Variants in METTL13 observed in about 807,000 individuals in gnomAD.
METTL13 encodes the protein methyltransferase 13, eEF1A N-terminus and K55.
Under a neutral mutation model 67.4 loss-of-function variants are expected in METTL13, and 52 were observed. The ratio of observed to expected loss-of-function variants is 0.77; its 90% confidence interval spans 0.62 to 0.97. METTL13 has a LOEUF of 0.97. Among genes scored for constraint, METTL13 ranks in the 50% least tolerant of loss-of-function variants. The pLI, the probability that METTL13 is intolerant of heterozygous loss-of-function variation, is 0.00. For missense variants in METTL13, 825 were observed against 889.6 expected (o/e 0.93, Z 0.92); for synonymous variants, 354 against 353.6 (o/e 1.00, Z -0.01).
chr1:171,783,892 G>A lies in METTL13; in HGVS notation c.306G>A (p.Lys102=), dbSNP rs564128406. ...GACGGCCCCAGATGAGCTTCTTGAA[G>A]ATGGACATGACGCAGATGGAGTTTC... The part of the protein sequence containing the change: ...ATRRPQMSFL[K]MDMTQMEFPD... The change falls in exon 2 of 8, where the codon AAG becomes AAA. Residue 102 remains lysine, a synonymous_variant. Transcript: ENST00000361735. 4 of 1,614,116 alleles carry A rather than the reference G, an allele frequency of 2.5e-6. No homozygotes were observed. Among genetic ancestry groups the A allele is most frequent in the African/African-American group, 2.7e-5 (2 of 74,934 alleles).
In METTL13 at chr1:171,784,369, C is replaced by A. The variant is rs759361612; in HGVS notation, c.783C>A (p.Arg261=). 2.5e-6 allele frequency: 4 copies of A among 1,573,688 alleles called. No individual in the cohort carries two copies. In the African/African-American group the frequency reaches 5.4e-5, roughly 21 times the overall value. The change falls in exon 2 of 8, where the codon CGC becomes CGA. Residue 261 remains arginine, a synonymous_variant. Coordinates refer to ENST00000361735, the MANE Select transcript of METTL13 (RefSeq NM_015935.5). ...QYAWLCSQLR[R]KARLGSVSLD... is the part of the protein sequence containing the mutation. ...CCTGGCTGTGCAGCCAGCTGCGCCGCAAGGCCAGGCTGGGGAGTGTGTCTC... is the reference window on the plus strand; with the variant it reads ...CCTGGCTGTGCAGCCAGCTGCGCCGAAAGGCCAGGCTGGGGAGTGTGTCTC...
intron 4 of METTL13, among the ~76,000 whole-genome samples, chr1:171,788,918 C>T (rs1657111947): frequency 6.6e-6 from 1 of 152,166 alleles, no homozygotes; most frequent in Non-Finnish European, 1.5e-5. Flanking sequence ...GGCTCTGAGC[C>T]TAGAATCAAG....
chr1:171,782,767 A>G (rs1185929298), intron 1 of METTL13, among the ~76,000 whole-genome samples: 1 of 152,158 alleles, frequency 6.6e-6, no homozygotes, highest in Non-Finnish European at 1.5e-5. Context: ...GTGCGCCCCA[A>G]GTTTCAGGCA....
At chr1:171,786,446 G>A (rs1015534909) in intron 3 of METTL13, among the ~76,000 whole-genome samples, 1 of 152,088 alleles carries the variant, frequency 6.6e-6, no homozygotes, top group African/African-American at 2.4e-5. Flanking sequence ...ATTATCTGAG[G>A]GTATAAATGG....
In METTL13 at chr1:171,783,399, A is replaced by G. The variant is rs548493442; in HGVS notation, c.154-341A>G. On this transcript the variant is annotated intron_variant, in intron 1 of 7. Transcript: ENST00000361735. The stretch of plus-strand genomic sequence containing the variant: ...GGGTTATTCCTGGCCTAGGATTTCA[A>G]CTGTAACTCTATATTTGGATTCTCT... 2.0e-5 allele frequency among the ~76,000 whole-genome samples: 3 copies of G among 152,352 alleles called. No homozygotes were observed. In the East Asian group the frequency reaches 5.8e-4, roughly 29 times the overall value.
rs899185289 is a variant in METTL13, at chr1:171,783,853, A to T, written c.267A>T (p.Glu89Asp). 4.3e-6 allele frequency: 7 copies of T among 1,614,130 alleles called. No homozygotes were observed. In the African/African-American group the frequency reaches 9.3e-5, roughly 22 times the overall value. The change falls in exon 2 of 8, where the codon GAA (glutamate) becomes GAT (aspartate). Residue 89 changes from glutamate to aspartate, a missense_variant. Coordinates refer to ENST00000361735, the MANE Select transcript of METTL13 (RefSeq NM_015935.5). ...AGGTTGTCATCAAGCAAATGAAGGA[A>T]TGTAATGCCACCCGACGGCCCCAGA... is the stretch of plus-strand genomic sequence containing the variant. ...ISEVVIKQMKECNATRRPQMS... is the reference protein window; with the variant it reads ...ISEVVIKQMKDCNATRRPQMS...
intron 4 of METTL13, among the ~76,000 whole-genome samples, chr1:171,789,043 A>G (rs1164526062): frequency 6.6e-6 from 1 of 152,164 alleles, no homozygotes; most frequent in Non-Finnish European, 1.5e-5. Context: ...GTCCAGTTTC[A>G]TCTCACTAAA....
At position 171,792,017 on chromosome 1, in the gene METTL13, A is replaced by G; in HGVS notation, c.1475A>G (p.Glu492Gly). The G allele has an allele frequency of 1.2e-6, 2 of 1,612,430 alleles. No individual in the cohort carries two copies. Among genetic ancestry groups the G allele is most frequent in the Non-Finnish European group, 1.7e-6 (2 of 1,180,008 alleles). Residue 492 changes from glutamate (E) to glycine (G), a missense_variant and splice_region_variant, in exon 6 of 8, where the codon GAG (glutamate) becomes GGG (glycine). Physicochemically the swap from Glu to Gly is moderately conservative, Grantham distance 98. Transcript: ENST00000361735. ...GTGATGCTCTATTCTTTTCTTACAG[A>G]GATCCCACTGGCATTGTTGGTGGTA... ...ALLRNPELLL[E>G]IPLALLVVGL...
At position 171,784,399 on chromosome 1, in the gene METTL13, C is replaced by T. The variant is rs762113195; in HGVS notation, c.813C>T (p.Asp271=). 2 of 1,558,960 alleles carry T rather than the reference C, an allele frequency of 1.3e-6. No individual in the cohort carries two copies. Among genetic ancestry groups the T allele is most frequent in the East Asian group, 2.2e-5 (1 of 44,482 alleles). The change falls in exon 2 of 8, where the codon GAC becomes GAT. Residue 271 remains aspartate, a synonymous_variant. Transcript: ENST00000361735. ...RKARLGSVSL[D]LCDGDTGEPR... Reference sequence around the variant, plus strand: ...CCAGGCTGGGGAGTGTGTCTCTGGACTTGTGCGATGGGGACACGGGGGAGC... The same window carrying T: ...CCAGGCTGGGGAGTGTGTCTCTGGATTTGTGCGATGGGGACACGGGGGAGC...
Position 171,783,945 on chromosome 1 carries a change from A to G in METTL13, c.359A>G (p.Asp120Gly), listed in dbSNP as rs1402209615. Residue 120 changes from aspartate (D) to glycine (G), a missense_variant, in exon 2 of 8, where the codon GAC (aspartate) becomes GGC (glycine). Physicochemically the swap from Asp to Gly is moderately conservative, Grantham distance 94. Coordinates refer to ENST00000361735, the MANE Select transcript of METTL13 (RefSeq NM_015935.5). ...FPDASFQVVL[D>G]KGTLDAVLTD... The stretch of plus-strand genomic sequence containing the variant: ...GATGCCTCGTTCCAGGTGGTGTTGG[A>G]CAAGGGCACCCTGGATGCTGTCCTG... 16 of 1,614,094 alleles carry G rather than the reference A, an allele frequency of 9.9e-6. No homozygotes were observed. Among genetic ancestry groups the G allele is most frequent in the African/African-American group, 1.3e-5 (1 of 74,938 alleles).
At chr1:171,784,572 G>T in intron 2 of METTL13, 73 bp downstream of exon 2, 2 of 1,412,798 alleles carry the variant, frequency 1.4e-6, no homozygotes. Context: ...CTGGGGCTGG[G>T]GCTGAGGCTG....
Position 171,794,293 on chromosome 1 carries a change from A to C in METTL13, c.1694-103A>C, listed in dbSNP as rs538170884. On this transcript the variant is annotated intron_variant, in intron 6 of 7. Coordinates refer to ENST00000361735, the MANE Select transcript of METTL13 (RefSeq NM_015935.5). ...ATCCTCTGTGTCATCCTTCTAACTT[A>C]GTCACCATGCCCACCACTGGTAAAG... 5 of 1,515,190 alleles carry C rather than the reference A, an allele frequency of 3.3e-6. No homozygotes were observed. In the East Asian group the frequency reaches 1.1e-4, roughly 35 times the overall value. 93.9% of individuals were successfully genotyped at this position (1,515,190 alleles called of 1,614,324 possible).
chr1:171,787,663 G>A, intron 3 of METTL13, 72 bp from the exon 4 acceptor site: 1 of 1,406,418 alleles, frequency 7.1e-7, no homozygotes, highest in Admixed American at 2.1e-5. Context: ...CACACAAAAG[G>A]GAAGGGGTTA....
chr1:171,783,659 T>G, intron 1 of METTL13, 81 bp from the exon 2 acceptor site: 120 of 1,486,048 alleles, frequency 8.1e-5, no homozygotes, highest in Middle Eastern at 3.7e-4. Context: ...TCAGCCAAGG[T>G]GAGACTTGAT....
At chr1:171,789,823 A>C (rs1420382215) in intron 4 of METTL13, among the ~76,000 whole-genome samples, 4 of 127,952 alleles carry the variant, frequency 3.1e-5, no homozygotes, top group African/African-American at 9.0e-5. Flanking sequence ...TAAATGTTTA[A>C]TGACTATGTC....
chr1:171,781,706 G>T lies in METTL13; in HGVS notation c.-262G>T. 2.6e-6 allele frequency: 3 copies of T among 1,169,262 alleles called. No homozygotes were observed. Among genetic ancestry groups the T allele is most frequent in the African/African-American group, 1.6e-5 (1 of 63,780 alleles). The allele number at this position is 1,169,262 out of a possible 1,614,324, so 72.4% of individuals were successfully genotyped here. On this transcript the variant is annotated 5_prime_UTR_variant, in exon 1 of 8. Coordinates refer to ENST00000361735, the MANE Select transcript of METTL13 (RefSeq NM_015935.5). Reference sequence around the variant, plus strand: ...CGGAAATCTAGTTCGGGAAAAGTGTGAGGGGCTCTTCACGTGGGGAAGGAA... The same window carrying T: ...CGGAAATCTAGTTCGGGAAAAGTGTTAGGGGCTCTTCACGTGGGGAAGGAA...
At chr1:171,784,572 G>C (rs1656948012) in intron 2 of METTL13, 73 bp downstream of exon 2, 7 of 1,412,798 alleles carry the variant, frequency 5.0e-6, no homozygotes, top group African/African-American at 1.4e-5. Context: ...CTGGGGCTGG[G>C]GCTGAGGCTG....
At chr1:171,796,383 C>G (rs1657376371) in intron 7 of METTL13, 99 bp from the exon 8 acceptor site, 4 of 1,429,308 alleles carry the variant, frequency 2.8e-6, no homozygotes, top group African/African-American at 2.8e-5. Context: ...GTCCACCAGT[C>G]TCCCTGGGAC....
intron 3 of METTL13, among the ~76,000 whole-genome samples, chr1:171,786,370 T>TG (rs1657011683): frequency 6.6e-6 from 1 of 152,170 alleles, no homozygotes. Flanking sequence ...TAATTTGAGT[T>TG]GCTCTGACTG....
Sources: allele counts gnomAD v4.1 joint callset (sites outside exome capture counted in the v4.1 genomes callset), GRCh38; gene constraint gnomAD v4.1.1; transcripts MANE v1.5; gene names NCBI Gene and HGNC (gene_info 2026-07-23, HGNC 2026-07-21).